The following CNIH3 variants were observed in gnomAD, a reference collection of about 807,000 sequenced individuals.
The protein encoded by CNIH3 is cornichon family AMPA receptor auxiliary protein 3, also known as protein cornichon homolog 3.
A neutral mutation model predicts 24.1 loss-of-function variants in CNIH3; 14 were observed. The observed-to-expected ratio is 0.58, with a 90% CI of 0.38 to 0.91. CNIH3 has a LOEUF of 0.91. Ranked by LOEUF, CNIH3 falls within the 40% of genes least tolerant of loss-of-function variation. The pLI, the probability that CNIH3 is intolerant of heterozygous loss-of-function variation, is 0.00. For missense variants in CNIH3, 178 were observed against 196.8 expected, an observed-to-expected ratio of 0.90 and a Z score of 0.57; for synonymous variants, 68 against 73.8, an observed-to-expected ratio of 0.92 and a Z score of 0.40.
chr1:224,444,876 C>A (rs984814407), intron 1 of CNIH3, among the ~76,000 whole-genome samples: 7 of 151,824 alleles, frequency 4.6e-5, no homozygotes, highest in African/African-American at 1.7e-4. Flanking sequence ...AACTCCTGAC[C>A]TCGTGATCCG....
At chr1:224,471,072 A>G (rs1676348708) in intron 1 of CNIH3, among the ~76,000 whole-genome samples, 1 of 151,912 alleles carries the variant, frequency 6.6e-6, no homozygotes, top group Non-Finnish European at 1.5e-5. Context: ...GTTTTAGATG[A>G]GGTCTTGTTC....
intron 1 of CNIH3, among the ~76,000 whole-genome samples, chr1:224,679,455 G>A (rs965115970): frequency 6.6e-6 from 1 of 152,310 alleles, no homozygotes; most frequent in African/African-American, 2.4e-5. Flanking sequence ...TGCTGACCCT[G>A]GCTTAGGCTG....
At chr1:224,721,453 T>C (rs535118067) in intron 3 of CNIH3, among the ~76,000 whole-genome samples, 1 of 152,308 alleles carries the variant, frequency 6.6e-6, no homozygotes, top group Non-Finnish European at 1.5e-5. Flanking sequence ...AGCTCTGAAT[T>C]GCCAGCAAGT....
intron 3 of CNIH3, among the ~76,000 whole-genome samples, chr1:224,549,360 C>T (rs561637828): frequency 1.2e-4 from 18 of 151,512 alleles, no homozygotes; most frequent in East Asian, 7.8e-4. Context: ...AAATAGCAGA[C>T]GGATTCTATT....
intron 3 of CNIH3, among the ~76,000 whole-genome samples, chr1:224,707,453 C>T (rs1687885042): frequency 6.6e-6 from 1 of 151,352 alleles, no homozygotes; most frequent in South Asian, 2.1e-4. Flanking sequence ...CCCGCCCCAC[C>T]CTCAATTGGT....
chr1:224,696,201 C>T (rs1243972861), intron 3 of CNIH3, among the ~76,000 whole-genome samples: 1 of 152,196 alleles, frequency 6.6e-6, no homozygotes, highest in African/African-American at 2.4e-5. Flanking sequence ...TTTCCTTGTC[C>T]ATGTGGACCA....
chr1:224,555,024 G>T (rs1323145730), intron 3 of CNIH3, among the ~76,000 whole-genome samples: 1 of 152,120 alleles, frequency 6.6e-6, no homozygotes, highest in Non-Finnish European at 1.5e-5. Context: ...GAGCATCCGT[G>T]GGTTTTGGTA....
chr1:224,540,178 T>C (rs1461043550), downstream of CNIH3, among the ~76,000 whole-genome samples: 2 of 152,234 alleles, frequency 1.3e-5, no homozygotes, highest in Non-Finnish European at 2.9e-5. Context: ...CGGGCCAACT[T>C]ACATGGAAAT....
At chr1:224,730,306 G>T (rs1468916452) in intron 3 of CNIH3, 156 bp from the exon 4 acceptor site, 4 of 575,416 alleles carry the variant, frequency 7.0e-6, no homozygotes, top group Non-Finnish European at 1.2e-5. Context: ...ACCAGAAATG[G>T]ATCTGTGTTG....
chr1:224,714,739 C>T (rs553461930), intron 3 of CNIH3, among the ~76,000 whole-genome samples: 1 of 152,310 alleles, frequency 6.6e-6, no homozygotes, highest in African/African-American at 2.4e-5. Context: ...TCACTCCGTT[C>T]ATCCACCAGT....
chr1:224,465,373 T>C (rs979677871), intron 1 of CNIH3, among the ~76,000 whole-genome samples: 19 of 152,216 alleles, frequency 1.2e-4, no homozygotes, highest in Non-Finnish European at 2.8e-4. Flanking sequence ...CCTCCCAAAG[T>C]GCTAGGATTA....
intron 1 of CNIH3, among the ~76,000 whole-genome samples, chr1:224,505,023 TCC>T (rs1558114723): frequency 2.8e-5 from 1 of 35,626 alleles, no homozygotes; most frequent in Non-Finnish European, 5.2e-5. Context: ...CCTCCCTCCC[TCC>T]CTCCCTCCCT....
intron 1 of CNIH3, among the ~76,000 whole-genome samples, chr1:224,658,630 G>T (rs781241703): frequency 4.7e-5 from 7 of 149,540 alleles, no homozygotes; most frequent in Admixed American, 2.0e-4. Flanking sequence ...ACCAAATCCC[G>T]ACCTTTACTT....
At chr1:224,556,873 T>C (rs1680161540) in intron 3 of CNIH3, among the ~76,000 whole-genome samples, 1 of 152,192 alleles carries the variant, frequency 6.6e-6, no homozygotes, top group Non-Finnish European at 1.5e-5. Flanking sequence ...AATTGCTCTC[T>C]AGACCTTGTG....
intron 1 of CNIH3, among the ~76,000 whole-genome samples, chr1:224,479,459 C>T (rs1676720755): frequency 6.6e-6 from 1 of 152,132 alleles, no homozygotes; most frequent in African/African-American, 2.4e-5. Flanking sequence ...CGGCAGTCCC[C>T]CAAAGTCTTA....
intron 3 of CNIH3, among the ~76,000 whole-genome samples, chr1:224,557,489 AGAGTCTCGCTCTGTCGC>A: frequency 6.6e-6 from 1 of 152,032 alleles, no homozygotes; most frequent in Non-Finnish European, 1.5e-5. Context: ...TATTTTAGAC[AGAGTCTCGCTCTGTCGC>A]TCAGGCTGGA....
intron 3 of CNIH3, among the ~76,000 whole-genome samples, chr1:224,553,746 CT>C (rs35165684): frequency 0.25 from 35,774 of 145,498 alleles, 4,767 homozygotes; most frequent in South Asian, 0.36. Context: ...TTCTTTCTTT[CT>C]TTTTTTTTTT....
chr1:224,617,115 G>A lies in CNIH3; in HGVS notation c.-60G>A, dbSNP rs1683041434. On this transcript the variant is annotated 5_prime_UTR_variant, in exon 1 of 6. Coordinates refer to ENST00000272133, the MANE Select transcript of CNIH3 (RefSeq NM_152495.2). ...CCTTGGAGGGAGTGCGGTCCTCTAG[G>A]GAGGCATCGGGCTCCTAGGGGCTTC... is the stretch of plus-strand genomic sequence containing the variant. The A allele has an allele frequency of 1.2e-6, 2 of 1,601,062 alleles. No homozygotes were observed. The highest frequency in any genetic ancestry group is 1.7e-5 in the Admixed American group (1 of 58,686).
chr1:224,638,867 A>G (rs1419248555), intron 1 of CNIH3, among the ~76,000 whole-genome samples: 2 of 152,072 alleles, frequency 1.3e-5, no homozygotes, highest in Non-Finnish European at 2.9e-5. Context: ...ACATGCCATT[A>G]TTTATTTTAT....
Sources: allele counts gnomAD v4.1 joint callset (sites outside exome capture counted in the v4.1 genomes callset), GRCh38; gene constraint gnomAD v4.1.1; transcripts MANE v1.5; gene names NCBI Gene and HGNC (gene_info 2026-07-23, HGNC 2026-07-21).